ATXN2: variants seen among roughly 807,000 people sequenced by gnomAD.
ATXN2 encodes the protein ataxin 2.
In ATXN2, 37 loss-of-function variants were observed where a neutral mutation model predicts 138.6. The observed-to-expected ratio is 0.27, with a 90% CI of 0.21 to 0.35. The LOEUF (loss-of-function observed/expected upper bound fraction) is 0.35. Ranked by LOEUF, ATXN2 falls within the 10% of genes least tolerant of loss-of-function variation. The probability of loss-of-function intolerance (pLI) is 1.00; values close to 1 mark genes in which losing one functional copy is unlikely to be tolerated. For synonymous variants in ATXN2, 549 were observed against 543.7 expected (o/e 1.01, Z -0.13); for missense variants, 1,216 against 1,480.3 (o/e 0.82, Z 2.93).
At chr12:111,493,012 A>C (rs1046900435) in intron 14 of ATXN2, among the ~76,000 whole-genome samples, 2 of 152,214 alleles carry the variant, frequency 1.3e-5, no homozygotes, top group African/African-American at 4.8e-5. Context: ...TCAAGCAGAA[A>C]TCCCAAAGTG....
At chr12:111,567,437 T>C (rs979916347) in intron 1 of ATXN2, among the ~76,000 whole-genome samples, 3 of 151,578 alleles carry the variant, frequency 2.0e-5, no homozygotes, top group African/African-American at 7.3e-5. Context: ...AAGGCAGAGG[T>C]TGCAGTAAGC....
rs769472105 is a variant in ATXN2, at chr12:111,486,737, C to T, written c.2304+24G>A. On this transcript the variant is annotated intron_variant, in intron 16 of 24. Transcript: ENST00000673436. The stretch of plus-strand genomic sequence containing the variant: ...TTTTTCTTTTTTTGGGACTAGATAA[C>T]CTCAAAGAAAGTAATAAACCTACCT... 2.5e-5 allele frequency: 39 copies of T among 1,584,820 alleles called. No individual in the cohort carries two copies. The Middle Eastern group carries it at 6.7e-4, about 27-fold the overall frequency.
At chr12:111,486,419 CCTAA>C (rs1310161993) in intron 16 of ATXN2, among the ~76,000 whole-genome samples, 2 of 152,126 alleles carry the variant, frequency 1.3e-5, no homozygotes, top group African/African-American at 2.4e-5. Context: ...TATAGATTAT[CCTAA>C]CTATGTTTTT....
At chr12:111,497,589 G>T (rs1878498553) in intron 14 of ATXN2, among the ~76,000 whole-genome samples, 1 of 151,446 alleles carries the variant, frequency 6.6e-6, no homozygotes, top group African/African-American at 2.4e-5. Context: ...AATAAACATG[G>T]TACATCTTAA....
At chr12:111,482,893 T>C (rs1282117759) in intron 18 of ATXN2, 1 of 151,314 alleles carries the variant, frequency 6.6e-6, no homozygotes, top group Non-Finnish European at 1.5e-5. Context: ...TTAACATCTA[T>C]GAAATCACAA....
At chr12:111,576,822 G>A (rs536914307) in intron 1 of ATXN2, among the ~76,000 whole-genome samples, 1 of 151,854 alleles carries the variant, frequency 6.6e-6, no homozygotes, top group East Asian at 2.0e-4. Context: ...GCCAGGCATG[G>A]TGGCGGGCTC....
chr12:111,481,084 C>T (rs1272817973), intron 18 of ATXN2, among the ~76,000 whole-genome samples: 1 of 151,802 alleles, frequency 6.6e-6, no homozygotes, highest in Non-Finnish European at 1.5e-5. Flanking sequence ...GTGAGGCAGG[C>T]GGATCATTTG....
At chr12:111,459,251 A>G (rs1159410853) in intron 21 of ATXN2, among the ~76,000 whole-genome samples, 1 of 152,200 alleles carries the variant, frequency 6.6e-6, no homozygotes, top group Non-Finnish European at 1.5e-5. Flanking sequence ...CAGTCCCATA[A>G]GTCTATAAGA....
At chr12:111,522,497 C>T (rs1172653293) in intron 6 of ATXN2, among the ~76,000 whole-genome samples, 1 of 151,834 alleles carries the variant, frequency 6.6e-6, no homozygotes, top group Non-Finnish European at 1.5e-5. Context: ...GTAGTCCCAG[C>T]TACTTGGGAG....
At chr12:111,525,618 C>T (rs146453917) in intron 5 of ATXN2, among the ~76,000 whole-genome samples, 155 of 151,418 alleles carry the variant, frequency 1.0e-3, no homozygotes, top group African/African-American at 3.5e-3. Flanking sequence ...TTTAATTTAG[C>T]AAATGGAATC....
rs149463988 is a variant in ATXN2 at position 111,453,584 on chromosome 12, C to T, written c.3439+93G>A. On this transcript the variant is annotated intron_variant, in intron 24 of 24. Coordinates refer to ENST00000673436, the MANE Select transcript of ATXN2 (RefSeq NM_001372574.1). The surrounding 1 kb of genome is among the most constrained non-coding windows in gnomAD (Gnocchi z 5.4). The stretch of plus-strand genomic sequence containing the variant: ...GACGGGTCTTGCTAGTTCTCAAATG[C>T]GGGGCTTGAAGCACTGGCCCTGCCT... The T allele has an allele frequency of 9.8e-4, 1,421 of 1,453,964 alleles. 7 individuals carry two copies. In the African/African-American group the frequency reaches 0.016, roughly 17 times the overall value. 90.1% of individuals were successfully genotyped at this position (1,453,964 alleles called of 1,614,324 possible).
At chr12:111,464,018 C>G (rs909697765) in intron 21 of ATXN2, among the ~76,000 whole-genome samples, 1 of 151,972 alleles carries the variant, frequency 6.6e-6, no homozygotes, top group Non-Finnish European at 1.5e-5. Flanking sequence ...GAACTGCTGA[C>G]CTCAGATGAT....
intron 17 of ATXN2, 57 bp downstream of exon 17, chr12:111,485,656 T>G: frequency 6.3e-7 from 1 of 1,590,294 alleles, no homozygotes; most frequent in Non-Finnish European, 8.6e-7. Flanking sequence ...AAAGAGTGCT[T>G]GGTGTCAGAT....
intron 5 of ATXN2, among the ~76,000 whole-genome samples, chr12:111,525,839 C>T (rs936345624): frequency 1.3e-5 from 2 of 151,894 alleles, no homozygotes; most frequent in South Asian, 2.1e-4. Flanking sequence ...TGTGTACCAC[C>T]ACGCCCGGAT....
intron 14 of ATXN2, among the ~76,000 whole-genome samples, chr12:111,504,511 A>T (rs978892891): frequency 4.6e-5 from 7 of 152,140 alleles, no homozygotes; most frequent in African/African-American, 4.8e-5. Flanking sequence ...ACTGGTTTCG[A>T]ACTCCTGACC....
intron 21 of ATXN2, among the ~76,000 whole-genome samples, chr12:111,460,459 C>T (rs1026935606): frequency 6.6e-6 from 1 of 152,196 alleles, no homozygotes; most frequent in Non-Finnish European, 1.5e-5. Flanking sequence ...TACCGCCACC[C>T]CAGCCTCTTA....
chr12:111,460,087 T>C (rs1875451716), intron 21 of ATXN2, among the ~76,000 whole-genome samples: 1 of 151,996 alleles, frequency 6.6e-6, no homozygotes, highest in South Asian at 2.1e-4. Context: ...CAGTGCAGTT[T>C]TGTTGTTGTT....
chr12:111,453,897 A>C lies in ATXN2; in HGVS notation c.3271-52T>G. 6.5e-7 allele frequency: 1 copy of C among 1,543,950 alleles called. No homozygotes were observed. The highest frequency in any genetic ancestry group is 8.8e-7 in the Non-Finnish European group (1 of 1,135,708). Reference sequence around the variant, plus strand: ...ACAGGCAACATCTCCGGCTTCAACAACATGTCAACTGTGTTCCTTTCACTG... The same window carrying C: ...ACAGGCAACATCTCCGGCTTCAACACCATGTCAACTGTGTTCCTTTCACTG... On this transcript the variant is annotated intron_variant, in intron 23 of 24. Coordinates refer to ENST00000673436, the MANE Select transcript of ATXN2 (RefSeq NM_001372574.1). The surrounding 1 kb of genome is among the most constrained non-coding windows in gnomAD (Gnocchi z 5.4).
intron 14 of ATXN2, 122 bp from the exon 15 acceptor site, chr12:111,488,902 CAT>C: frequency 1.2e-6 from 1 of 849,132 alleles, no homozygotes; most frequent in Non-Finnish European, 1.8e-6. Context: ...AGGCTTTTTT[CAT>C]ACTTTAAGAG....
Sources: gnomAD v4.1 joint callset for allele counts (sites outside exome capture counted in the v4.1 genomes callset) on GRCh38, gnomAD v4.1.1 for gene constraint, Gnocchi (gnomAD v3.1) non-coding constraint, MANE v1.5 for transcripts, NCBI Gene and HGNC (gene_info 2026-07-23, HGNC 2026-07-21) for gene names.